The following COL2A1 variants were observed in gnomAD, a reference collection of about 807,000 sequenced individuals.
COL2A1 encodes collagen alpha-1(II) chain.
Under a neutral mutation model 204.5 loss-of-function variants are expected in COL2A1, and 28 were observed. That is an observed-to-expected ratio of 0.14 (90% CI 0.10 to 0.19). COL2A1 has a LOEUF of 0.19. Ranked by LOEUF, COL2A1 falls within the 10% of genes least tolerant of loss-of-function variation. The probability of loss-of-function intolerance (pLI) is 1.00; values close to 1 mark genes in which losing one functional copy is unlikely to be tolerated. For missense variants in COL2A1, 1,388 were observed against 2,027.5 expected (o/e 0.68, Z 6.06); for synonymous variants, 708 against 718.7 (o/e 0.99, Z 0.24).
chr12:47,981,913 G>A (rs570804013), intron 35 of COL2A1, 84 bp from the exon 36 acceptor site: 189 of 1,409,144 alleles, frequency 1.3e-4, no homozygotes, highest in East Asian at 2.4e-4. Flanking sequence ...ACCTTGGTGC[G>A]TGCTCCCACC....
In COL2A1 at chr12:47,978,815, G is replaced by T. The variant is rs908861688; in HGVS notation, c.2734-57C>A. 9 of 1,591,038 alleles carry T rather than the reference G, an allele frequency of 5.7e-6. No homozygotes were observed. In the African/African-American group the frequency reaches 9.4e-5, roughly 17 times the overall value. ...CATCTCACCCTTCCTCATCCAGGCT[G>T]CCAAAGTCACTGTGGCCTCAGTGAC... On this transcript the variant is annotated intron_variant, in intron 41 of 53. Transcript: ENST00000380518. The surrounding 1 kb of genome is among the most constrained non-coding windows in gnomAD (Gnocchi z 5.5).
chr12:47,989,671 G>T, intron 17 of COL2A1, 90 bp downstream of exon 17: 6 of 1,100,362 alleles, frequency 5.5e-6, no homozygotes, highest in Non-Finnish European at 8.4e-6. Context: ...TGCTGTGGTT[G>T]CACCCAATAC....
chr12:48,003,393 G>T (rs1403417066), intron 1 of COL2A1, among the ~76,000 whole-genome samples: 1 of 152,078 alleles, frequency 6.6e-6, no homozygotes, highest in African/African-American at 2.4e-5. Context: ...GTAACTCATT[G>T]TAGTACCTCG....
chr12:47,981,697 C>G, intron 36 of COL2A1, 79 bp downstream of exon 36: 2 of 1,466,862 alleles, frequency 1.4e-6, no homozygotes, highest in Non-Finnish European at 9.3e-7. Context: ...GAGGACAAGA[C>G]AGAACCGCCT....
At chr12:47,974,932 G>A in intron 51 of COL2A1, 70 bp from the exon 52 acceptor site, 1 of 1,501,044 alleles carries the variant, frequency 6.7e-7, no homozygotes, top group Non-Finnish European at 9.1e-7. Flanking sequence ...AGAGACCCAG[G>A]CCTGACTGAA....
At chr12:48,003,705 G>T (rs1940341129) in intron 1 of COL2A1, among the ~76,000 whole-genome samples, 1 of 152,138 alleles carries the variant, frequency 6.6e-6, no homozygotes, top group African/African-American at 2.4e-5. Context: ...CAGTGTCAGA[G>T]TGTTAGTCCC....
rs766649672 is a variant in COL2A1 at position 47,974,068 on chromosome 12, C to T, written c.4317+21G>A. 5.0e-6 allele frequency: 8 copies of T among 1,614,166 alleles called. No homozygotes were observed. The Admixed American group carries it at 1.3e-4, about 27-fold the overall frequency. The stretch of plus-strand genomic sequence containing the variant: ...GGCGGTTTGGGCACAGGCAGCTCTT[C>T]TCTCTGGCAGCCCCACTCACCGTGC... On this transcript the variant is annotated intron_variant, in intron 53 of 53. Coordinates refer to ENST00000380518, the MANE Select transcript of COL2A1 (RefSeq NM_001844.5).
chr12:48,003,992 G>C (rs542643156), intron 1 of COL2A1: 1 of 530,772 alleles, frequency 1.9e-6, no homozygotes, highest in Middle Eastern at 3.6e-4. Context: ...GTATTCTAGC[G>C]CAACGTAGGG....
At chr12:47,993,770 T>C (rs1939816706) in intron 14 of COL2A1, 39 bp downstream of exon 14, 9 of 1,605,440 alleles carry the variant, frequency 5.6e-6, no homozygotes, top group Non-Finnish European at 6.8e-6. Flanking sequence ...CCTCATTGTC[T>C]CCCTCCTCCC....
At position 47,985,776 on chromosome 12, in the gene COL2A1, G is replaced by A; in HGVS notation, c.1632C>T (p.Ala544=). ...CTCCAGGACGGCCAGGGTCACCGTT[G>A]GCTCCCTTGGGGCCAGCAAGACCAC... ...GPSGLAGPKG[A]NGDPGRPGEP... Residue 544 remains alanine (A), a synonymous_variant, in exon 25 of 54, where the codon GCC becomes GCT. Coordinates refer to ENST00000380518, the MANE Select transcript of COL2A1 (RefSeq NM_001844.5). 1 of 1,613,670 alleles carries A rather than the reference G, an allele frequency of 6.2e-7. No individual in the cohort carries two copies. Among genetic ancestry groups the A allele is most frequent in the Non-Finnish European group, 8.5e-7 (1 of 1,179,858 alleles).
upstream of COL2A1, chr12:48,005,572 C>G (rs1565703933): frequency 6.6e-6 from 1 of 152,294 alleles, no homozygotes; most frequent in Non-Finnish European, 1.5e-5. Flanking sequence ...CGCCTCACCT[C>G]ACCTTCCCCG....
At chr12:48,004,567 C>A (rs10783226), upstream of COL2A1, 340,950 of 438,366 alleles carry the variant, frequency 0.78, 134,515 homozygotes, top group Non-Finnish European at 0.84. Context: ...CCCTGCCCCC[C>A]GCTGGGCTGT....
chr12:47,998,116 TG>T (rs753957443), intron 4 of COL2A1, 52 bp from the exon 5 acceptor site: 1 of 1,614,146 alleles, frequency 6.2e-7, no homozygotes, highest in East Asian at 2.2e-5. Context: ...CACAAGGAAA[TG>T]ACCCATTTAG....
chr12:47,992,910 C>T lies in COL2A1; in HGVS notation c.991G>A (p.Glu331Lys), dbSNP rs868089854. 1 of 1,614,244 alleles carries T rather than the reference C, an allele frequency of 6.2e-7. No individual in the cohort carries two copies. The highest frequency in any genetic ancestry group is 8.5e-7 in the Non-Finnish European group (1 of 1,180,046). ...GPMGPRGLPG[E>K]RGRTGPAGAA... The stretch of plus-strand genomic sequence containing the variant: ...CCAGCAGGGCCAGTCCGTCCTCTTT[C>T]ACCAGGCAGGCCACGAGGACCCTGG... Residue 331 changes from glutamate (E) to lysine (K), a missense_variant, in exon 16 of 54, where the codon GAA becomes AAA. Physicochemically the swap from Glu to Lys is moderately conservative, Grantham distance 56. This residue lies in a region of COL2A1 where 884 missense variants were observed against 1,415.8 expected (regional missense o/e 0.62). Coordinates refer to ENST00000380518, the MANE Select transcript of COL2A1 (RefSeq NM_001844.5).
chr12:47,987,394 A>T lies in COL2A1; in HGVS notation c.1222-81T>A. 6.9e-7 allele frequency: 1 copy of T among 1,453,544 alleles called. No individual in the cohort carries two copies. 90.0% of individuals were successfully genotyped at this position (1,453,544 alleles called of 1,614,324 possible). On this transcript the variant is annotated intron_variant, in intron 19 of 53. Coordinates refer to ENST00000380518, the MANE Select transcript of COL2A1 (RefSeq NM_001844.5). The surrounding 1 kb of genome is among the most constrained non-coding windows in gnomAD (Gnocchi z 4.1). ...AGCCCTCCAGGATCCAGATCCAGGG[A>T]CCTGGCATAGGTGCTGTCCATTTCA...
At position 47,998,533 on chromosome 12, in the gene COL2A1, G is replaced by A. The variant is rs573053061; in HGVS notation, c.293-102C>T. 58 of 1,282,560 alleles carry A rather than the reference G, an allele frequency of 4.5e-5. 3 individuals are homozygous for A. The South Asian group carries it at 7.4e-4, about 16-fold the overall frequency. The allele number at this position is 1,282,560 out of a possible 1,614,324, so 79.4% of individuals were successfully genotyped here. A position where few individuals can be genotyped will look rare whatever the true frequency, so the allele number is the denominator to read the frequency against. ...ACTCATTAGATCAAACAAGTAAAAG[G>A]ACACAATCAAGGAAGGCGGCAGCTT... On this transcript the variant is annotated intron_variant, in intron 2 of 53. Coordinates refer to ENST00000380518, the MANE Select transcript of COL2A1 (RefSeq NM_001844.5).
intron 53 of COL2A1, among the ~76,000 whole-genome samples, chr12:47,973,761 C>G (rs1460303560): frequency 6.6e-6 from 1 of 152,144 alleles, no homozygotes; most frequent in Non-Finnish European, 1.5e-5. Context: ...CTTCTCCACC[C>G]TGCCCTTCCC....
rs1162463324 is a variant in COL2A1 at position 47,980,971 on chromosome 12, G to A, written c.2464-3C>T. On this transcript the variant is annotated splice_region_variant and splice_polypyrimidine_tract_variant and intron_variant, in intron 37 of 53. Transcript: ENST00000380518. This position sits in a 1 kb window ranked among gnomAD's most constrained non-coding sequence, Gnocchi z 4.5. ...GGCCCAGTCTCTCCACGTTCACCCTGTGAGAGAAGGGGGCATGGCGAGAGG... is the reference window on the plus strand; with the variant it reads ...GGCCCAGTCTCTCCACGTTCACCCTATGAGAGAAGGGGGCATGGCGAGAGG... The A allele has an allele frequency of 1.9e-6, 3 of 1,551,268 alleles. No individual in the cohort carries two copies. Among genetic ancestry groups the A allele is most frequent in the Admixed American group, 2.0e-5 (1 of 51,060 alleles).
rs570227994 is a variant in COL2A1 at position 47,973,570 on chromosome 12, G to A, written c.4318-17C>T. Reference sequence around the variant, plus strand: ...GGTATGTTTCTAGGGGAGAAAAAAGGAGGAGGCTCTGTTCAGTAGATGCCT... The same window carrying A: ...GGTATGTTTCTAGGGGAGAAAAAAGAAGGAGGCTCTGTTCAGTAGATGCCT... On this transcript the variant is annotated splice_polypyrimidine_tract_variant and intron_variant, in intron 53 of 53. Transcript: ENST00000380518. 11 of 1,613,964 alleles carry A rather than the reference G, an allele frequency of 6.8e-6. No homozygotes were observed. In the African/African-American group the frequency reaches 1.2e-4, roughly 18 times the overall value.
Sources: allele counts gnomAD v4.1 joint callset (sites outside exome capture counted in the v4.1 genomes callset), GRCh38; gene constraint gnomAD v4.1.1; regional missense constraint gnomAD v4.1.1; non-coding constraint Gnocchi (gnomAD v3.1); transcripts MANE v1.5; gene names NCBI Gene and HGNC (gene_info 2026-07-23, HGNC 2026-07-21).